The following VPS13B variants were observed in gnomAD, a reference collection of about 807,000 sequenced individuals.
VPS13B encodes the protein vacuolar protein sorting 13 homolog B.
VPS13B carries 285 observed loss-of-function variants against 426.4 expected under a neutral mutation model. The observed-to-expected ratio is 0.67, with a 90% CI of 0.61 to 0.74. The LOEUF (loss-of-function observed/expected upper bound fraction) is 0.74. Among genes scored for constraint, VPS13B ranks in the 30% least tolerant of loss-of-function variants. VPS13B has a pLI of 0.00. For synonymous variants in VPS13B, 1,676 were observed against 1,676.4 expected, an observed-to-expected ratio of 1.00 and a Z score of 0.01; for missense variants, 4,537 against 4,782.6, an observed-to-expected ratio of 0.95 and a Z score of 1.51.
chr8:99,087,750 A>G (rs1350111170), intron 3 of VPS13B, among the ~76,000 whole-genome samples: 3 of 151,768 alleles, frequency 2.0e-5, no homozygotes. Context: ...GCCCTGTTTC[A>G]AGTATAACTT....
chr8:99,031,143 T>C (rs1055276019), intron 2 of VPS13B, among the ~76,000 whole-genome samples: 1 of 152,138 alleles, frequency 6.6e-6, no homozygotes, highest in Non-Finnish European at 1.5e-5. Flanking sequence ...TATGTTCAAG[T>C]TCACAAATTC....
intron 19 of VPS13B, among the ~76,000 whole-genome samples, chr8:99,382,121 A>C (rs1249280566): frequency 2.0e-5 from 3 of 152,006 alleles, no homozygotes; most frequent in Non-Finnish European, 2.9e-5. Flanking sequence ...GGTTTGTTGA[A>C]GATAAGATAG....
In VPS13B at chr8:99,256,533, C is replaced by T. The variant is rs79527509; in HGVS notation, c.2516-17665C>T. On this transcript the variant is annotated intron_variant, in intron 17 of 61. Transcript: ENST00000357162. Reference sequence around the variant, plus strand: ...ACAATATACAAGGGTTCCGATTACTCCACATCCTGGATATCATCTGTTATT... The same window carrying T: ...ACAATATACAAGGGTTCCGATTACTTCACATCCTGGATATCATCTGTTATT... Among the ~76,000 whole-genome samples, 6 of 152,272 alleles carry T rather than the reference C, an allele frequency of 3.9e-5. No homozygotes were observed. In the East Asian group the frequency reaches 1.2e-3, roughly 29 times the overall value.
At chr8:99,773,952 G>T (rs770893189) in intron 40 of VPS13B, among the ~76,000 whole-genome samples, 1 of 152,148 alleles carries the variant, frequency 6.6e-6, no homozygotes, top group Non-Finnish European at 1.5e-5. Context: ...CTTAATTAGG[G>T]AAATTATACA....
chr8:99,064,202 C>G (rs1001293529), intron 3 of VPS13B, among the ~76,000 whole-genome samples: 9 of 152,250 alleles, frequency 5.9e-5, no homozygotes, highest in East Asian at 5.8e-4. Context: ...CTCTTCTCCC[C>G]CAAAGGATCG....
intron 2 of VPS13B, among the ~76,000 whole-genome samples, chr8:99,022,905 C>T (rs997254064): frequency 2.0e-5 from 3 of 150,146 alleles, no homozygotes; most frequent in African/African-American, 7.4e-5. Context: ...CCCTCTTTTT[C>T]CTTGTTTTGG....
intron 33 of VPS13B, among the ~76,000 whole-genome samples, chr8:99,586,717 A>G (rs1230373165): frequency 6.6e-6 from 1 of 152,204 alleles, no homozygotes; most frequent in Non-Finnish European, 1.5e-5. Context: ...GTCTATGCTC[A>G]TGGATGGGAA....
chr8:99,018,364 C>T (rs560791619), intron 2 of VPS13B, among the ~76,000 whole-genome samples: 1 of 152,158 alleles, frequency 6.6e-6, no homozygotes, highest in Non-Finnish European at 1.5e-5. Flanking sequence ...CCAGCCTGGG[C>T]GACAGAGTGA....
At chr8:99,020,151 GT>G (rs34816144) in intron 2 of VPS13B, among the ~76,000 whole-genome samples, 110,186 of 149,174 alleles carry the variant, frequency 0.74, 41,079 homozygotes, top group South Asian at 0.87. Context: ...TGTTTTACGT[GT>G]TTTTTTTTTT....
At position 99,848,871 on chromosome 8, in the gene VPS13B, A is replaced by G; in HGVS notation, c.10038A>G (p.Gly3346=). The change falls in exon 55 of 62, where the codon GGA becomes GGG. Residue 3346 remains glycine, a synonymous_variant. Coordinates refer to ENST00000357162, the MANE Select transcript of VPS13B (RefSeq NM_152564.5). ...FITVAPEGKA[G]PILTNTNRAP... is the part of the protein sequence containing the mutation. The stretch of plus-strand genomic sequence containing the variant: ...CTGTGGCCCCAGAAGGAAAAGCAGG[A>G]CCTATTTTAACCAATACCAACAGGT... 1.2e-6 allele frequency: 2 copies of G among 1,614,126 alleles called. No individual in the cohort carries two copies. The highest frequency in any genetic ancestry group is 1.7e-6 in the Non-Finnish European group (2 of 1,179,970).
intron 3 of VPS13B, among the ~76,000 whole-genome samples, chr8:99,095,966 G>A (rs979636328): frequency 6.6e-6 from 1 of 152,030 alleles, no homozygotes; most frequent in African/African-American, 2.4e-5. Context: ...TATTTATTTT[G>A]CACTTACATA....
intron 36 of VPS13B, among the ~76,000 whole-genome samples, chr8:99,708,813 T>C (rs984238788): frequency 2.1e-5 from 3 of 141,552 alleles, no homozygotes; most frequent in Admixed American, 1.4e-4. Flanking sequence ...TATTAATAGG[T>C]TCTCTCTCTC....
At chr8:99,588,262 G>A (rs1826414957) in intron 33 of VPS13B, among the ~76,000 whole-genome samples, 2 of 151,724 alleles carry the variant, frequency 1.3e-5, no homozygotes, top group Admixed American at 1.3e-4. Context: ...GATGCCTCCA[G>A]CTTTGTTCTT....
chr8:99,100,058 A>C (rs908206634), intron 4 of VPS13B, among the ~76,000 whole-genome samples: 1 of 152,174 alleles, frequency 6.6e-6, no homozygotes, highest in South Asian at 2.1e-4. Flanking sequence ...TCTACTTGAC[A>C]CTATCTTGTA....
chr8:99,282,423 G>A (rs547585784), intron 19 of VPS13B, among the ~76,000 whole-genome samples: 14 of 152,214 alleles, frequency 9.2e-5, no homozygotes, highest in Non-Finnish European at 1.6e-4. Context: ...TTTGTCTTGA[G>A]CTTGTATGCT....
intron 19 of VPS13B, among the ~76,000 whole-genome samples, chr8:99,324,343 T>G (rs1810131547): frequency 6.6e-6 from 1 of 152,232 alleles, no homozygotes; most frequent in Non-Finnish European, 1.5e-5. Context: ...CCCATTCCAC[T>G]TCTATATTTT....
At chr8:99,625,001 T>C (rs542787674) in intron 33 of VPS13B, among the ~76,000 whole-genome samples, 9 of 152,062 alleles carry the variant, frequency 5.9e-5, no homozygotes, top group African/African-American at 2.2e-4. Flanking sequence ...TTTGTTTGTT[T>C]TTTAGTAGAG....
intron 23 of VPS13B, among the ~76,000 whole-genome samples, chr8:99,463,563 T>C (rs1033256437): frequency 1.3e-5 from 2 of 152,228 alleles, no homozygotes; most frequent in African/African-American, 4.8e-5. Context: ...TTTCTTTCTA[T>C]GCCTTTCAAC....
At chr8:99,117,139 G>A (rs528827058) in intron 7 of VPS13B, among the ~76,000 whole-genome samples, 1 of 152,170 alleles carries the variant, frequency 6.6e-6, no homozygotes, top group South Asian at 2.1e-4. Flanking sequence ...TAAGAGAAGG[G>A]CATTTAAAAC....
Sources: gnomAD v4.1 joint callset for allele counts (sites outside exome capture counted in the v4.1 genomes callset) on GRCh38, gnomAD v4.1.1 for gene constraint, MANE v1.5 for transcripts, NCBI Gene and HGNC (gene_info 2026-07-23, HGNC 2026-07-21) for gene names.